PBX1: variants seen among roughly 807,000 people sequenced by gnomAD.
The protein encoded by PBX1 is pre-B-cell leukemia transcription factor 1.
Under a neutral mutation model 53.4 loss-of-function variants are expected in PBX1, and 6 were observed. That is an observed-to-expected ratio of 0.11 (90% CI 0.06 to 0.22). PBX1 has a LOEUF of 0.22. Ranked by LOEUF, PBX1 falls within the 10% of genes least tolerant of loss-of-function variation. PBX1 has a pLI of 1.00. For missense variants in PBX1, 251 were observed against 551.4 expected (o/e 0.46, Z 5.46); for synonymous variants, 204 against 212.3 (o/e 0.96, Z 0.34).
intron 2 of PBX1, among the ~76,000 whole-genome samples, chr1:164,753,952 T>C (rs1167601496): frequency 6.6e-6 from 1 of 152,076 alleles, no homozygotes; most frequent in Non-Finnish European, 1.5e-5. Context: ...GATTTCTGTT[T>C]AGTGTGGTGG....
At chr1:164,789,832 G>A (rs1158939417) in intron 2 of PBX1, among the ~76,000 whole-genome samples, 1 of 152,144 alleles carries the variant, frequency 6.6e-6, no homozygotes, top group Non-Finnish European at 1.5e-5. Flanking sequence ...GGGGGCTTAC[G>A]GCCTCTTCTG....
At chr1:164,788,739 C>T (rs1195994195) in intron 2 of PBX1, among the ~76,000 whole-genome samples, 3 of 142,908 alleles carry the variant, frequency 2.1e-5, no homozygotes, top group South Asian at 2.4e-4. Flanking sequence ...GTTGGTTTTT[C>T]TACCCGCCGC....
chr1:164,679,533 G>A (rs983355402), intron 2 of PBX1, among the ~76,000 whole-genome samples: 4 of 152,098 alleles, frequency 2.6e-5, no homozygotes, highest in Admixed American at 6.6e-5. Flanking sequence ...GACCCCTTTC[G>A]TTTGACCTTT....
chr1:164,800,702 T>C (rs1669025520), intron 4 of PBX1, among the ~76,000 whole-genome samples: 1 of 152,242 alleles, frequency 6.6e-6, no homozygotes, highest in African/African-American at 2.4e-5. Flanking sequence ...AAGAATATTT[T>C]GATAATTCAT....
chr1:164,854,875 A>G (rs1314652478), downstream of PBX1, among the ~76,000 whole-genome samples: 3 of 150,662 alleles, frequency 2.0e-5, no homozygotes, highest in African/African-American at 7.3e-5. Context: ...CTCAGCCAAA[A>G]TTCACTCTCT....
At chr1:164,620,776 G>T (rs998948791) in intron 2 of PBX1, among the ~76,000 whole-genome samples, 1 of 151,694 alleles carries the variant, frequency 6.6e-6, no homozygotes, top group Non-Finnish European at 1.5e-5. Flanking sequence ...TCTGCCTCCC[G>T]GGCTTAAGCG....
rs143982819 is a variant in PBX1, at chr1:164,824,521, A to G, written c.1200+2895A>G. ...TTGTAAGTGATAACTTTCTGATTTGACCTTTTTTCTCCTCTGATGTGAGCA... is the reference window on the plus strand; with the variant it reads ...TTGTAAGTGATAACTTTCTGATTTGGCCTTTTTTCTCCTCTGATGTGAGCA... On this transcript the variant is annotated intron_variant, in intron 8 of 8. Coordinates refer to ENST00000420696, the MANE Select transcript of PBX1 (RefSeq NM_002585.4). Among the ~76,000 whole-genome samples the G allele has an allele frequency of 3.9e-5, 6 of 152,232 alleles. No individual in the cohort carries two copies. In the East Asian group the frequency reaches 1.2e-3, roughly 29 times the overall value.
chr1:164,572,653 T>C (rs1446616393), intron 2 of PBX1, among the ~76,000 whole-genome samples: 1 of 152,122 alleles, frequency 6.6e-6, no homozygotes, highest in East Asian at 1.9e-4. Context: ...TAGTGAGCTA[T>C]TGGATTTAAC....
chr1:164,729,300 C>T (rs1228545154), intron 2 of PBX1, among the ~76,000 whole-genome samples: 1 of 152,180 alleles, frequency 6.6e-6, no homozygotes, highest in East Asian at 1.9e-4. Context: ...GAGATCTGCT[C>T]ACTATGAAAT....
chr1:164,719,602 A>G (rs1664293860), intron 2 of PBX1, among the ~76,000 whole-genome samples: 1 of 152,086 alleles, frequency 6.6e-6, no homozygotes, highest in African/African-American at 2.4e-5. Context: ...TAGTTTTGGA[A>G]AGCTCTCCAG....
intron 2 of PBX1, among the ~76,000 whole-genome samples, chr1:164,729,843 AT>A (rs928562485): frequency 9.6e-5 from 14 of 146,312 alleles, no homozygotes; most frequent in Admixed American, 3.4e-4. Context: ...TATAACAATA[AT>A]TAATATAATA....
At chr1:164,793,911 G>A (rs1228434769) in intron 3 of PBX1, among the ~76,000 whole-genome samples, 2 of 102,120 alleles carry the variant, frequency 2.0e-5, no homozygotes, top group Non-Finnish European at 1.8e-5. Context: ...GTCTCACTCT[G>A]TCACCCAGGC....
Position 164,585,295 on chromosome 1 carries a change from C to G in PBX1, c.265+21984C>G, listed in dbSNP as rs1654883925. Among the ~76,000 whole-genome samples the G allele has an allele frequency of 1.3e-5, 2 of 152,332 alleles. 1 individual carries two copies. The highest frequency in any genetic ancestry group is 4.1e-4 in the South Asian group (2 of 4,830). On this transcript the variant is annotated intron_variant, in intron 2 of 8. Coordinates refer to ENST00000420696, the MANE Select transcript of PBX1 (RefSeq NM_002585.4). ...TTCCTAGTCATGGTCTGTGATATCT[C>G]AAACTTGGCTGTCACTTTTTGGGGT... is the stretch of plus-strand genomic sequence containing the variant.
rs114687131 is a variant in PBX1, at chr1:164,838,571, G to A, written c.1201-8013G>A. Among the ~76,000 whole-genome samples, 884 of 152,258 alleles carry A rather than the reference G, an allele frequency of 5.8e-3. 3 individuals carry two copies. Among genetic ancestry groups the A allele is most frequent in the African/African-American group, 0.021 (856 of 41,532 alleles). On this transcript the variant is annotated intron_variant, in intron 8 of 8. Coordinates refer to ENST00000420696, the MANE Select transcript of PBX1 (RefSeq NM_002585.4). The stretch of plus-strand genomic sequence containing the variant: ...AGTAGCTGTGCTCTGCATGTGGAGC[G>A]CACACATTGTCCCACAGCCCCGTCT...
chr1:164,567,603 A>C (rs564860036), intron 2 of PBX1, among the ~76,000 whole-genome samples: 1 of 152,334 alleles, frequency 6.6e-6, no homozygotes, highest in East Asian at 1.9e-4. Flanking sequence ...TAATGTGGAT[A>C]TAAGCCGTAG....
At chr1:164,728,783 T>C (rs969535531) in intron 2 of PBX1, among the ~76,000 whole-genome samples, 2 of 152,248 alleles carry the variant, frequency 1.3e-5, no homozygotes, top group Non-Finnish European at 1.5e-5. Flanking sequence ...AATTTTTAAC[T>C]GCAGGATGCA....
chr1:164,586,846 G>A (rs921836983), intron 2 of PBX1, among the ~76,000 whole-genome samples: 1 of 152,120 alleles, frequency 6.6e-6, no homozygotes, highest in Admixed American at 6.5e-5. Flanking sequence ...GTGATTGAGA[G>A]TCAGATGATG....
intron 2 of PBX1, among the ~76,000 whole-genome samples, chr1:164,665,416 C>T (rs368882147): frequency 7.9e-5 from 12 of 152,232 alleles, no homozygotes; most frequent in East Asian, 5.8e-4. Context: ...CCCAGAGTAG[C>T]TGGAATTACA....
chr1:164,741,739 AGTGTGTGTGTGTGT>A (rs57771496), intron 2 of PBX1, among the ~76,000 whole-genome samples: 6 of 140,810 alleles, frequency 4.3e-5, no homozygotes, highest in African/African-American at 1.6e-4. Flanking sequence ...TGTATGAGTG[AGTGTGTGTGTGTGT>A]GTGTGTGTGT....
Sources: allele counts gnomAD v4.1 joint callset (sites outside exome capture counted in the v4.1 genomes callset), GRCh38; gene constraint gnomAD v4.1.1; transcripts MANE v1.5; gene names NCBI Gene and HGNC (gene_info 2026-07-23, HGNC 2026-07-21).